Variants in GABRB1 observed in about 807,000 individuals in gnomAD.
GABRB1 encodes the protein gamma-aminobutyric acid type A receptor subunit beta1.
A neutral mutation model predicts 51.6 loss-of-function variants in GABRB1; 17 were observed. The ratio of observed to expected loss-of-function variants is 0.33; its 90% CI spans 0.23 to 0.49. The LOEUF (loss-of-function observed/expected upper bound fraction) is 0.49, where lower values mean the gene tolerates loss of function less well. Among genes scored for constraint, GABRB1 ranks in the 20% least tolerant of loss-of-function variants. The pLI, the probability that GABRB1 is intolerant of heterozygous loss-of-function variation, is 0.99. For missense variants in GABRB1, 410 were observed against 600.6 expected, an observed-to-expected ratio of 0.68 and a Z score of 3.32; for synonymous variants, 247 against 218.9, an observed-to-expected ratio of 1.13 and a Z score of -1.14.
At chr4:47,117,449 C>T (rs1408650733) in intron 3 of GABRB1, among the ~76,000 whole-genome samples, 3 of 152,136 alleles carry the variant, frequency 2.0e-5, no homozygotes, top group Non-Finnish European at 2.9e-5. Flanking sequence ...AGATTCAGTT[C>T]AGCTACATCT....
At chr4:47,185,759 C>A (rs1220433329) in intron 4 of GABRB1, among the ~76,000 whole-genome samples, 3 of 151,786 alleles carry the variant, frequency 2.0e-5, no homozygotes, top group African/African-American at 7.3e-5. Flanking sequence ...TGTAAAGCAT[C>A]TAGAAAATAG....
At chr4:47,065,920 T>C (rs1316708412) in intron 3 of GABRB1, among the ~76,000 whole-genome samples, 1 of 152,244 alleles carries the variant, frequency 6.6e-6, no homozygotes, top group Non-Finnish European at 1.5e-5. Flanking sequence ...TTGTTCAAAA[T>C]TATATGATTA....
intron 4 of GABRB1, among the ~76,000 whole-genome samples, chr4:47,276,381 T>C (rs1723078528): frequency 6.6e-6 from 1 of 152,138 alleles, no homozygotes; most frequent in South Asian, 2.1e-4. Context: ...AAGCTCAATA[T>C]ATAAAATAGA....
intron 8 of GABRB1, among the ~76,000 whole-genome samples, chr4:47,410,957 A>G (rs1037923377): frequency 6.6e-6 from 1 of 152,220 alleles, no homozygotes; most frequent in Non-Finnish European, 1.5e-5. Context: ...ATTCTGGATG[A>G]TATGTTAGTC....
At chr4:47,179,056 G>C (rs1004673122) in intron 4 of GABRB1, among the ~76,000 whole-genome samples, 1 of 151,974 alleles carries the variant, frequency 6.6e-6, no homozygotes, top group Non-Finnish European at 1.5e-5. Flanking sequence ...ATGGTGGTTT[G>C]CTGCACCCAT....
At chr4:47,112,466 T>C (rs1456635408) in intron 3 of GABRB1, among the ~76,000 whole-genome samples, 2 of 152,228 alleles carry the variant, frequency 1.3e-5, no homozygotes, top group Non-Finnish European at 2.9e-5. Context: ...TTGGAGGGAA[T>C]AAGGCAGTTC....
intron 5 of GABRB1, among the ~76,000 whole-genome samples, chr4:47,324,786 A>C (rs1725199727): frequency 6.6e-6 from 1 of 152,154 alleles, no homozygotes. Context: ...TTTGCTCAAA[A>C]CTTTATTCTT....
At chr4:47,310,762 G>A (rs548741960) in intron 4 of GABRB1, among the ~76,000 whole-genome samples, 15 of 152,244 alleles carry the variant, frequency 9.9e-5, no homozygotes, top group African/African-American at 2.9e-4. Flanking sequence ...AATAATGCAC[G>A]TGTGGTAAAA....
intron 4 of GABRB1, among the ~76,000 whole-genome samples, chr4:47,311,456 T>C (rs1262515812): frequency 1.4e-5 from 2 of 144,102 alleles, no homozygotes; most frequent in East Asian, 2.1e-4. Context: ...TCTTGGAATA[T>C]CTTAGTGGGC....
intron 5 of GABRB1, among the ~76,000 whole-genome samples, chr4:47,366,960 AC>A (rs1727004622): frequency 6.6e-6 from 1 of 152,152 alleles, no homozygotes; most frequent in African/African-American, 2.4e-5. Flanking sequence ...GTGGATTATA[AC>A]CTAGGGTACC....
At chr4:47,362,095 A>C (rs1250819804) in intron 5 of GABRB1, among the ~76,000 whole-genome samples, 1 of 152,170 alleles carries the variant, frequency 6.6e-6, no homozygotes, top group Non-Finnish European at 1.5e-5. Context: ...CTTCCGTATA[A>C]ATAGCAGGAT....
At chr4:47,262,109 T>A (rs1459469890) in intron 4 of GABRB1, among the ~76,000 whole-genome samples, 2 of 149,120 alleles carry the variant, frequency 1.3e-5, no homozygotes, top group Non-Finnish European at 3.0e-5. Context: ...AACCTAGGCA[T>A]TACCATTCAG....
intron 4 of GABRB1, among the ~76,000 whole-genome samples, chr4:47,191,480 A>T (rs575067642): frequency 6.6e-6 from 1 of 151,364 alleles, no homozygotes; most frequent in East Asian, 1.9e-4. Flanking sequence ...ACTTCCAGTG[A>T]CTAGTGAAAT....
intron 1 of GABRB1, among the ~76,000 whole-genome samples, chr4:47,001,154 A>T (rs540730830): frequency 7.9e-5 from 12 of 151,990 alleles, no homozygotes; most frequent in South Asian, 4.2e-4. Context: ...TTTATTTTTT[A>T]TTTTTTGAGA....
At chr4:47,220,166 T>C (rs1482185831) in intron 4 of GABRB1, among the ~76,000 whole-genome samples, 1 of 152,006 alleles carries the variant, frequency 6.6e-6, no homozygotes, top group Admixed American at 6.6e-5. Flanking sequence ...CTTTTTTCTT[T>C]AGATAATAAA....
At chr4:47,374,100 A>G (rs1049145250) in intron 5 of GABRB1, among the ~76,000 whole-genome samples, 3 of 152,230 alleles carry the variant, frequency 2.0e-5, no homozygotes, top group Non-Finnish European at 4.4e-5. Flanking sequence ...ATGAGTGAAC[A>G]ATCAGAAGCT....
chr4:47,090,563 C>T (rs1313580289), intron 3 of GABRB1, among the ~76,000 whole-genome samples: 2 of 152,164 alleles, frequency 1.3e-5, no homozygotes, highest in Non-Finnish European at 2.9e-5. Context: ...AACAATTATG[C>T]CCTCACCGTG....
At chr4:47,099,547 G>T (rs947399874) in intron 3 of GABRB1, among the ~76,000 whole-genome samples, 1 of 152,014 alleles carries the variant, frequency 6.6e-6, no homozygotes, top group African/African-American at 2.4e-5. Context: ...AAGTAATAAA[G>T]CTTATGCTAA....
chr4:47,276,133 T>A (rs1167964907), intron 4 of GABRB1, among the ~76,000 whole-genome samples: 1 of 152,128 alleles, frequency 6.6e-6, no homozygotes, highest in Non-Finnish European at 1.5e-5. Flanking sequence ...ATGTATCACA[T>A]GGAAGCATAT....
Sources: gnomAD v4.1 joint callset for allele counts (sites outside exome capture counted in the v4.1 genomes callset) on GRCh38, gnomAD v4.1.1 for gene constraint, MANE v1.5 for transcripts, NCBI Gene and HGNC (gene_info 2026-07-23, HGNC 2026-07-21) for gene names.